Variants in ATP1A4 observed in about 807,000 individuals in gnomAD.
ATP1A4 encodes ATPase Na+/K+ transporting subunit alpha 4.
Under a neutral mutation model 114.3 loss-of-function variants are expected in ATP1A4, and 90 were observed. The ratio of observed to expected loss-of-function variants is 0.79; its 90% CI spans 0.66 to 0.94. The LOEUF (loss-of-function observed/expected upper bound fraction) is 0.94. Ranked by LOEUF, ATP1A4 falls within the 40% of genes least tolerant of loss-of-function variation. The probability of loss-of-function intolerance (pLI) is 0.00; values close to 1 mark genes in which losing one functional copy is unlikely to be tolerated. For missense variants in ATP1A4, 1,222 were observed against 1,313.6 expected (o/e 0.93, Z 1.08); for synonymous variants, 511 against 494.1 (o/e 1.03, Z -0.45).
Position 160,174,040 on chromosome 1 carries a change from A to C in ATP1A4, c.1992-71A>C, listed in dbSNP as rs1571028391. On this transcript the variant is annotated intron_variant, in intron 13 of 21. Coordinates refer to ENST00000368081, the MANE Select transcript of ATP1A4 (RefSeq NM_144699.4). Reference sequence around the variant, plus strand: ...AAGAAGAAGCAATGAAGCTATAGTCAAGATGGGCACCAAGACCCCTGGTGA... The same window carrying C: ...AAGAAGAAGCAATGAAGCTATAGTCCAGATGGGCACCAAGACCCCTGGTGA... The C allele has an allele frequency of 1.9e-6, 3 of 1,553,468 alleles. No homozygotes were observed. In the East Asian group the frequency reaches 6.7e-5, roughly 35 times the overall value.
intron 18 of ATP1A4, among the ~76,000 whole-genome samples, chr1:160,177,926 G>A (rs1653539320): frequency 6.6e-6 from 1 of 152,146 alleles, no homozygotes; most frequent in East Asian, 1.9e-4. Context: ...GAGTCCTTTG[G>A]CTCCTTGGAG....
At chr1:160,169,565 C>T (rs1277515700) in intron 10 of ATP1A4, 1 of 152,146 alleles carries the variant, frequency 6.6e-6, no homozygotes, top group Non-Finnish European at 1.5e-5. Flanking sequence ...CAGTTGTAAC[C>T]ACGTTTTGTG....
chr1:160,169,184 G>T (rs1653148817), intron 10 of ATP1A4, among the ~76,000 whole-genome samples: 1 of 152,198 alleles, frequency 6.6e-6, no homozygotes, highest in South Asian at 2.1e-4. Flanking sequence ...TCCTTAGCTT[G>T]CCCTAAAGGT....
At chr1:160,165,963 C>G (rs1165008982) in intron 7 of ATP1A4, among the ~76,000 whole-genome samples, 2 of 151,950 alleles carry the variant, frequency 1.3e-5, no homozygotes, top group Non-Finnish European at 1.5e-5. Flanking sequence ...CTATGATACC[C>G]TGGTAAAGAA....
intron 7 of ATP1A4, among the ~76,000 whole-genome samples, chr1:160,165,165 T>G (rs989069689): frequency 6.6e-6 from 1 of 152,220 alleles, no homozygotes; most frequent in Non-Finnish European, 1.5e-5. Flanking sequence ...GTTGAGGGTA[T>G]GCTCTAGTTT....
rs967846571 is a variant in ATP1A4, at chr1:160,174,406, T to C, written c.2142+145T>C. 2.8e-6 allele frequency: 4 copies of C among 1,429,908 alleles called. No individual in the cohort carries two copies. In the Admixed American group the frequency reaches 7.4e-5, roughly 27 times the overall value. 88.6% of individuals were successfully genotyped at this position (1,429,908 alleles called of 1,614,324 possible). A position where few individuals can be genotyped will look rare whatever the true frequency, so the allele number is the denominator to read the frequency against. On this transcript the variant is annotated intron_variant, in intron 14 of 21. Coordinates refer to ENST00000368081, the MANE Select transcript of ATP1A4 (RefSeq NM_144699.4). ...TGGAACCTCCATGGTGGCCTTCAGTTTGGGGCTCCCTGAAAGTTTAAATAT... is the reference window on the plus strand; with the variant it reads ...TGGAACCTCCATGGTGGCCTTCAGTCTGGGGCTCCCTGAAAGTTTAAATAT...
intron 18 of ATP1A4, 53 bp from the exon 19 acceptor site, chr1:160,181,631 G>C (rs11265350): frequency 0.31 from 495,669 of 1,601,614 alleles, 81,910 homozygotes; most frequent in East Asian, 0.66. Context: ...AGAAGCCTTA[G>C]GGTGTACAGA....
intron 4 of ATP1A4, among the ~76,000 whole-genome samples, chr1:160,158,053 A>G (rs1390111465): frequency 6.6e-6 from 1 of 152,168 alleles, no homozygotes; most frequent in East Asian, 1.9e-4. Context: ...GTTTTGGGAC[A>G]AAGTGTTTGG....
chr1:160,163,220 C>A lies in ATP1A4; in HGVS notation c.779-936C>A, dbSNP rs191322022. 6.7e-4 allele frequency among the ~76,000 whole-genome samples: 102 copies of A among 152,206 alleles called. No individual in the cohort carries two copies. The East Asian group carries it at 0.019, about 28-fold the overall frequency. On this transcript the variant is annotated intron_variant, in intron 6 of 21. Coordinates refer to ENST00000368081, the MANE Select transcript of ATP1A4 (RefSeq NM_144699.4). ...GCTGAACACAGAACACTTCTGTGTCCAACATGTGTAGACAGTTCTCCCCAC... is the reference window on the plus strand; with the variant it reads ...GCTGAACACAGAACACTTCTGTGTCAAACATGTGTAGACAGTTCTCCCCAC...
At chr1:160,159,791 T>C (rs1316962415) in intron 6 of ATP1A4, among the ~76,000 whole-genome samples, 1 of 152,246 alleles carries the variant, frequency 6.6e-6, no homozygotes, top group South Asian at 2.1e-4. Context: ...ACCTAATACA[T>C]TGTAAGTGAC....
chr1:160,168,747 G>A (rs1004075441), intron 10 of ATP1A4, among the ~76,000 whole-genome samples: 2 of 152,146 alleles, frequency 1.3e-5, no homozygotes, highest in Admixed American at 6.5e-5. Context: ...GCAAGTAAGG[G>A]TTAAATAGAT....
intron 18 of ATP1A4, 151 bp downstream of exon 18, chr1:160,177,815 C>A: frequency 1.2e-6 from 1 of 823,310 alleles, no homozygotes. Flanking sequence ...AGCCTTCTCA[C>A]ACTTGCCCTC....
chr1:160,183,256 C>T (rs183531213), intron 20 of ATP1A4: 6 of 152,242 alleles, frequency 3.9e-5, no homozygotes, highest in Admixed American at 2.0e-4. Flanking sequence ...GAGATTTACA[C>T]GTAGAAATGG....
rs764462395 is a variant in ATP1A4 at position 160,151,776 on chromosome 1, C to T, written c.-265C>T. ...TCCTTCCACCCTAGGCTTCTCTCCT[C>T]CCTCTTCCCTCACTCCTGACTCTTC... On this transcript the variant is annotated 5_prime_UTR_variant, in exon 1 of 22. Transcript: ENST00000368081. The T allele has an allele frequency of 2.5e-6, 1 of 397,742 alleles. No individual in the cohort carries two copies. The highest frequency in any genetic ancestry group is 4.6e-6 in the Non-Finnish European group (1 of 219,194). The allele number at this position is 397,742 out of a possible 1,614,324, so 24.6% of individuals were successfully genotyped here. A position where few individuals can be genotyped will look rare whatever the true frequency, so the allele number is the denominator to read the frequency against.
At chr1:160,178,279 C>CG (rs1398322583) in intron 18 of ATP1A4, among the ~76,000 whole-genome samples, 3 of 152,034 alleles carry the variant, frequency 2.0e-5, no homozygotes, top group African/African-American at 4.8e-5. Flanking sequence ...CACTTGAACC[C>CG]GGGGGGCAAA....
chr1:160,182,830 C>T (rs1219427205), intron 20 of ATP1A4: 1 of 152,212 alleles, frequency 6.6e-6, no homozygotes, highest in Non-Finnish European at 1.5e-5. Flanking sequence ...CGCCACCATG[C>T]CGGGCTAATT....
At chr1:160,177,357 T>A (rs1653507782) in intron 17 of ATP1A4, 162 bp from the exon 18 acceptor site, 1 of 622,346 alleles carries the variant, frequency 1.6e-6, no homozygotes. Flanking sequence ...AGATGAGAGA[T>A]AACAGGCTTA....
chr1:160,153,198 A>G lies in ATP1A4; in HGVS notation c.181A>G (p.Thr61Ala), dbSNP rs751248044. 2 of 1,613,918 alleles carry G rather than the reference A, an allele frequency of 1.2e-6. No individual in the cohort carries two copies. Among genetic ancestry groups the G allele is most frequent in the South Asian group, 2.2e-5 (2 of 91,076 alleles). The stretch of plus-strand genomic sequence containing the variant: ...CAAATTAACCTTGGAAGAGCTGAGC[A>G]CCAAGTACTCCGTGGACCTGACAAA... ...DHKLTLEELS[T>A]KYSVDLTKGH... The change falls in exon 2 of 22, where the codon ACC becomes GCC. Residue 61 changes from threonine (T) to alanine (A), a missense_variant. Thr to Ala is a moderately conservative substitution (Grantham distance 58, BLOSUM62 0). Transcript: ENST00000368081.
intron 10 of ATP1A4, among the ~76,000 whole-genome samples, chr1:160,167,984 G>A (rs1293549199): frequency 2.0e-5 from 3 of 152,272 alleles, no homozygotes; most frequent in Non-Finnish European, 4.4e-5. Context: ...TTAGATTAGG[G>A]CCTCCCCTAC....
Sources: allele counts gnomAD v4.1 joint callset (sites outside exome capture counted in the v4.1 genomes callset), GRCh38; gene constraint gnomAD v4.1.1; transcripts MANE v1.5; gene names NCBI Gene and HGNC (gene_info 2026-07-23, HGNC 2026-07-21).